Variants in TRAPPC9 observed in about 807,000 individuals in gnomAD.
TRAPPC9 encodes IKK2 binding protein.
TRAPPC9 carries 83 observed loss-of-function variants against 124.0 expected under a neutral mutation model. The observed-to-expected ratio is 0.67, with a 90% confidence interval of 0.56 to 0.80. The LOEUF (loss-of-function observed/expected upper bound fraction) is 0.80. Among genes scored for constraint, TRAPPC9 ranks in the 30% least tolerant of loss-of-function variants. The probability of loss-of-function intolerance (pLI) is 0.00; values close to 1 mark genes in which losing one functional copy is unlikely to be tolerated. For synonymous variants in TRAPPC9, 638 were observed against 617.5 expected, an observed-to-expected ratio of 1.03 and a Z score of -0.49; for missense variants, 1,302 against 1,508.3, an observed-to-expected ratio of 0.86 and a Z score of 2.27.
At chr8:140,036,952 C>G (rs996115623) in intron 17 of TRAPPC9, among the ~76,000 whole-genome samples, 1 of 152,046 alleles carries the variant, frequency 6.6e-6, no homozygotes, top group African/African-American at 2.4e-5. Flanking sequence ...ACCCATTAAC[C>G]TGTCACCTAC....
intron 17 of TRAPPC9, among the ~76,000 whole-genome samples, chr8:140,138,734 C>T (rs765730143): frequency 2.0e-5 from 3 of 152,220 alleles, no homozygotes; most frequent in Admixed American, 1.3e-4. Context: ...AATGCATCTG[C>T]TGTGCTCGGC....
chr8:139,804,511 CCCA>C lies in TRAPPC9; in HGVS notation c.3056-72312_3056-72310del, dbSNP rs1324737365. On this transcript the variant is annotated intron_variant, in intron 21 of 22. Coordinates refer to ENST00000438773, the MANE Select transcript of TRAPPC9 (RefSeq NM_001160372.4). ...ACCACCACACACACAACCACTACCA[CCCA>C]CCACCGCCACCACACACAACCACCA... Among the ~76,000 whole-genome samples the C allele has an allele frequency of 1.4e-3, 196 of 137,174 alleles. 3 individuals carry two copies. The highest frequency in any genetic ancestry group is 4.8e-3 in the African/African-American group (171 of 35,766). The allele number at this position is 137,174 out of a possible 152,430, so 90.0% of individuals were successfully genotyped here.
intron 17 of TRAPPC9, among the ~76,000 whole-genome samples, chr8:140,214,034 T>C (rs2063131893): frequency 6.6e-6 from 1 of 152,244 alleles, no homozygotes; most frequent in South Asian, 2.1e-4. Context: ...CTCTGAAGGC[T>C]GTGCATAAGT....
At chr8:140,052,616 T>C (rs1842067087) in intron 17 of TRAPPC9, among the ~76,000 whole-genome samples, 1 of 152,066 alleles carries the variant, frequency 6.6e-6, no homozygotes, top group Non-Finnish European at 1.5e-5. Context: ...ACCCTGTCTC[T>C]AGTAGAAATA....
At chr8:139,961,585 C>T in intron 19 of TRAPPC9, among the ~76,000 whole-genome samples, 1 of 124,150 alleles carries the variant, frequency 8.1e-6, no homozygotes, top group African/African-American at 2.5e-5. Flanking sequence ...GGTGTGGTTG[C>T]AGCCATCCTC....
Position 140,222,327 on chromosome 8 carries a change from T to C in TRAPPC9, c.2432-744A>G, listed in dbSNP as rs79621594. Among the ~76,000 whole-genome samples, 248 of 152,338 alleles carry C rather than the reference T, an allele frequency of 1.6e-3. 1 individual carries two copies. Among genetic ancestry groups the C allele is most frequent in the Admixed American group, 3.1e-3 (48 of 15,290 alleles). ...TTTTCTTACTTGTTAACAGTATCTA[T>C]CGATTGACGGGTCTAACCCACGAAT... On this transcript the variant is annotated intron_variant, in intron 16 of 22. Transcript: ENST00000438773.
chr8:139,733,641 G>A (rs1817978065), intron 21 of TRAPPC9, among the ~76,000 whole-genome samples: 1 of 152,236 alleles, frequency 6.6e-6, no homozygotes, highest in Non-Finnish European at 1.5e-5. Flanking sequence ...AAGGCAGGCA[G>A]GTGGAATAAG....
chr8:140,270,451 G>A (rs1158293661), intron 15 of TRAPPC9, among the ~76,000 whole-genome samples: 4 of 152,128 alleles, frequency 2.6e-5, no homozygotes, highest in Admixed American at 6.5e-5. Context: ...CCAATTACTC[G>A]GTACTGAGCA....
At chr8:140,286,776 G>A (rs2065494798) in intron 13 of TRAPPC9, among the ~76,000 whole-genome samples, 1 of 152,134 alleles carries the variant, frequency 6.6e-6, no homozygotes, top group Non-Finnish European at 1.5e-5. Flanking sequence ...GTGCAGGCTG[G>A]GAAGAAGTCC....
At position 139,973,340 on chromosome 8, in the gene TRAPPC9, G is replaced by A. The variant is rs535164006; in HGVS notation, c.2810+15386C>T. 3.3e-4 allele frequency among the ~76,000 whole-genome samples: 51 copies of A among 152,298 alleles called. No homozygotes were observed. In the South Asian group the frequency reaches 9.1e-3, roughly 27 times the overall value. ...TGGACAGTCCAGGTTTAGGCCTGCC[G>A]TCCCTGCAAGATCTGTGATCACTGT... On this transcript the variant is annotated intron_variant, in intron 19 of 22. Transcript: ENST00000438773.
intron 18 of TRAPPC9, among the ~76,000 whole-genome samples, chr8:140,003,459 G>C (rs2131809884): frequency 6.6e-6 from 1 of 152,046 alleles, no homozygotes; most frequent in Non-Finnish European, 1.5e-5. Context: ...AAAATTAACT[G>C]CATGTGGTGC....
chr8:139,953,796 A>G (rs1451549996), intron 19 of TRAPPC9, among the ~76,000 whole-genome samples: 1 of 152,224 alleles, frequency 6.6e-6, no homozygotes, highest in East Asian at 1.9e-4. Context: ...CAGACATATA[A>G]AAATGCTTCA....
At chr8:139,982,631 C>G (rs1836987257) in intron 19 of TRAPPC9, among the ~76,000 whole-genome samples, 1 of 152,176 alleles carries the variant, frequency 6.6e-6, no homozygotes, top group Admixed American at 6.5e-5. Flanking sequence ...TCCTTAATTA[C>G]AGAACTGATG....
intron 7 of TRAPPC9, among the ~76,000 whole-genome samples, chr8:140,375,865 C>T (rs2068424004): frequency 6.6e-6 from 1 of 152,136 alleles, no homozygotes; most frequent in Non-Finnish European, 1.5e-5. Flanking sequence ...TGGCCGCACT[C>T]AACTAAATGA....
At chr8:140,390,967 C>G (rs2068907293) in intron 7 of TRAPPC9, among the ~76,000 whole-genome samples, 1 of 152,168 alleles carries the variant, frequency 6.6e-6, no homozygotes, top group African/African-American at 2.4e-5. Flanking sequence ...TCTTAAAAAG[C>G]CTTTCCCAAA....
chr8:140,439,148 G>T lies in TRAPPC9; in HGVS notation c.634C>A (p.Leu212Met). Reference sequence around the variant, plus strand: ...TGCAGCATCCCTGCCTGCAGGCACAGGTCCCCCACGTGCTTCCGCATGCGG... The same window carrying T: ...TGCAGCATCCCTGCCTGCAGGCACATGTCCCCCACGTGCTTCCGCATGCGG... ...QGRMRKHVGD[L>M]CLQAGMLQDS... Residue 212 changes from leucine (L) to methionine (M), a missense_variant, in exon 3 of 23, where the codon CTG (leucine) becomes ATG (methionine). Physicochemically the swap from Leu to Met is conservative, Grantham distance 15 (BLOSUM62 2). This residue lies in a region of TRAPPC9 where 657 missense variants were observed against 811.2 expected (regional missense o/e 0.81). Transcript: ENST00000438773. 6.2e-7 allele frequency: 1 copy of T among 1,614,152 alleles called. No homozygotes were observed. The highest frequency in any genetic ancestry group is 8.5e-7 in the Non-Finnish European group (1 of 1,180,014).
At chr8:140,229,660 C>G (rs542526272) in intron 16 of TRAPPC9, among the ~76,000 whole-genome samples, 1 of 152,040 alleles carries the variant, frequency 6.6e-6, no homozygotes, top group Non-Finnish European at 1.5e-5. Flanking sequence ...CCACTGCTTC[C>G]CAGGTTCATG....
chr8:140,421,123 G>C (rs1258545759), intron 5 of TRAPPC9, among the ~76,000 whole-genome samples: 1 of 152,132 alleles, frequency 6.6e-6, no homozygotes, highest in East Asian at 1.9e-4. Flanking sequence ...CTGTGCATAA[G>C]ACAGGATAAA....
chr8:139,745,502 C>T (rs553564181), intron 21 of TRAPPC9, among the ~76,000 whole-genome samples: 6 of 152,366 alleles, frequency 3.9e-5, no homozygotes, highest in East Asian at 1.9e-4. Flanking sequence ...AGCTCAGCTC[C>T]GCCTTCAGCA....
Sources: gnomAD v4.1 joint callset for allele counts (sites outside exome capture counted in the v4.1 genomes callset) on GRCh38, gnomAD v4.1.1 for gene constraint, gnomAD v4.1.1 regional missense constraint, MANE v1.5 for transcripts, NCBI Gene and HGNC (gene_info 2026-07-23, HGNC 2026-07-21) for gene names.